Variants in ANKRD11 observed in about 807,000 individuals in gnomAD.
ANKRD11 encodes ankyrin repeat domain-containing protein 11.
ANKRD11 carries 17 observed loss-of-function variants against 195.7 expected under a neutral mutation model. The ratio of observed to expected loss-of-function variants is 0.09; its 90% confidence interval spans 0.06 to 0.13. ANKRD11 has a LOEUF of 0.13. ANKRD11 is among the 10% of genes least tolerant of loss of function. The probability of loss-of-function intolerance (pLI) is 1.00; values close to 1 mark genes in which losing one functional copy is unlikely to be tolerated. For synonymous variants in ANKRD11, 1,953 were observed against 1,528.1 expected (o/e 1.28, Z -6.49); for missense variants, 3,735 against 3,566.1 (o/e 1.05, Z -1.21).
intron 4 of ANKRD11, among the ~76,000 whole-genome samples, chr16:89,304,784 T>C (rs1315959372): frequency 6.6e-6 from 1 of 152,212 alleles, no homozygotes; most frequent in Non-Finnish European, 1.5e-5. Flanking sequence ...AAGACCTCCC[T>C]GCCTCCTGCT....
intron 2 of ANKRD11, among the ~76,000 whole-genome samples, chr16:89,354,138 A>G (rs1313659384): frequency 6.6e-6 from 1 of 152,094 alleles, no homozygotes; most frequent in Non-Finnish European, 1.5e-5. Flanking sequence ...GCTTCTAAAT[A>G]ATGCACTGCA....
intron 1 of ANKRD11, among the ~76,000 whole-genome samples, chr16:89,451,737 G>C (rs1385783904): frequency 3.3e-5 from 5 of 152,108 alleles, no homozygotes; most frequent in East Asian, 1.9e-4. Context: ...ATTACTTTTA[G>C]TAAGCAAACT....
At chr16:89,326,223 T>C (rs758393092) in intron 2 of ANKRD11, among the ~76,000 whole-genome samples, 4 of 152,090 alleles carry the variant, frequency 2.6e-5, no homozygotes. Context: ...ACTCAGCAGA[T>C]TTCCTCCAAG....
chr16:89,486,733 T>C (rs903037373), intron 1 of ANKRD11, among the ~76,000 whole-genome samples: 3 of 152,086 alleles, frequency 2.0e-5, no homozygotes, highest in African/African-American at 7.2e-5. Flanking sequence ...AGGCCAGGCA[T>C]GGTGGCTCAC....
chr16:89,403,007 C>G (rs1194812352), intron 2 of ANKRD11, among the ~76,000 whole-genome samples: 4 of 152,184 alleles, frequency 2.6e-5, no homozygotes. Flanking sequence ...CACCTCAGCC[C>G]CACCATCAAA....
At chr16:89,363,481 T>TA (rs11328033) in intron 2 of ANKRD11, among the ~76,000 whole-genome samples, 73 of 148,108 alleles carry the variant, frequency 4.9e-4, no homozygotes, top group East Asian at 1.2e-3. Flanking sequence ...ATAATAAAAT[T>TA]AAAAAAAAAA....
At chr16:89,335,645 A>G (rs1412055672) in intron 2 of ANKRD11, among the ~76,000 whole-genome samples, 2 of 152,204 alleles carry the variant, frequency 1.3e-5, no homozygotes, top group Non-Finnish European at 2.9e-5. Flanking sequence ...CTGAGGTAAG[A>G]TGACAAGTCT....
chr16:89,276,386 G>A (rs549583651), intron 9 of ANKRD11, among the ~76,000 whole-genome samples: 19 of 152,196 alleles, frequency 1.2e-4, no homozygotes, highest in Middle Eastern at 3.4e-3. Context: ...CAGTCTCCAC[G>A]TCTCTTCCAA....
chr16:89,436,897 A>C (rs1054619195), intron 1 of ANKRD11, among the ~76,000 whole-genome samples: 1 of 152,208 alleles, frequency 6.6e-6, no homozygotes, highest in African/African-American at 2.4e-5. Flanking sequence ...TACTTTCTTA[A>C]GCTAACTGAA....
chr16:89,414,057 C>G (rs1433220605), intron 2 of ANKRD11, among the ~76,000 whole-genome samples: 1 of 151,852 alleles, frequency 6.6e-6, no homozygotes, highest in Non-Finnish European at 1.5e-5. Flanking sequence ...GGCCTGCACA[C>G]CCTCCAGGAT....
intron 2 of ANKRD11, among the ~76,000 whole-genome samples, chr16:89,380,803 G>A (rs1027812823): frequency 1.3e-5 from 2 of 152,260 alleles, no homozygotes; most frequent in African/African-American, 2.4e-5. Context: ...TAACCACCAC[G>A]AGCACTGGGG....
At chr16:89,377,482 G>C (rs1291544897) in intron 2 of ANKRD11, among the ~76,000 whole-genome samples, 1 of 152,030 alleles carries the variant, frequency 6.6e-6, no homozygotes, top group Non-Finnish European at 1.5e-5. Flanking sequence ...GCCGGGGCAG[G>C]AGGGCTGGGG....
At chr16:89,314,906 G>C (rs189522364) in intron 3 of ANKRD11, among the ~76,000 whole-genome samples, 64 of 152,310 alleles carry the variant, frequency 4.2e-4, no homozygotes, top group Non-Finnish European at 7.9e-4. Context: ...TCAGCAGTCT[G>C]TTCACACAGC....
intron 2 of ANKRD11, among the ~76,000 whole-genome samples, chr16:89,319,592 G>A (rs552388713): frequency 9.2e-5 from 14 of 152,306 alleles, no homozygotes; most frequent in East Asian, 3.9e-4. Context: ...CGATGGCAGC[G>A]ATGTGCTCGA....
At chr16:89,308,826 C>A (rs1197684569) in intron 3 of ANKRD11, among the ~76,000 whole-genome samples, 1 of 152,236 alleles carries the variant, frequency 6.6e-6, no homozygotes, top group South Asian at 2.1e-4. Context: ...ACCATGAGAA[C>A]GGGGACGTGC....
rs1419163889 is a variant in ANKRD11 at position 89,432,986 on chromosome 16, CTCTCCT to C, written c.-144-14624_-144-14619del. On this transcript the variant is annotated intron_variant, in intron 1 of 12. Coordinates refer to ENST00000301030, the MANE Select transcript of ANKRD11 (RefSeq NM_013275.6). Reference sequence around the variant, plus strand: ...TCTCTCTCTCTCTCTCTCTCTCTCTCTCTCCTCTCTCTCACACACACACACACACAC... The same window carrying C: ...TCTCTCTCTCTCTCTCTCTCTCTCTCCTCTCTCACACACACACACACACAC... Among the ~76,000 whole-genome samples, 4 of 133,968 alleles carry C rather than the reference CTCTCCT, an allele frequency of 3.0e-5. No individual in the cohort carries two copies. In the East Asian group the frequency reaches 6.2e-4, roughly 21 times the overall value. 87.9% of individuals were successfully genotyped at this position (133,968 alleles called of 152,430 possible). A position where few individuals can be genotyped will look rare whatever the true frequency, so the allele number is the denominator to read the frequency against.
At chr16:89,453,970 G>A (rs1325732701) in intron 1 of ANKRD11, among the ~76,000 whole-genome samples, 2 of 152,152 alleles carry the variant, frequency 1.3e-5, no homozygotes, top group Admixed American at 6.5e-5. Context: ...AGGAGCACCC[G>A]CACCTCGGGA....
intron 2 of ANKRD11, among the ~76,000 whole-genome samples, chr16:89,355,308 G>A (rs771528666): frequency 8.5e-5 from 13 of 152,112 alleles, no homozygotes; most frequent in South Asian, 2.1e-4. Context: ...GCGGGCGGAC[G>A]GCTCACACAG....
chr16:89,468,343 G>C (rs1363424530), intron 1 of ANKRD11, among the ~76,000 whole-genome samples: 4 of 151,990 alleles, frequency 2.6e-5, no homozygotes, highest in Non-Finnish European at 4.4e-5. Flanking sequence ...TCATGAGGTC[G>C]GGGGGAAAGT....
Sources: gnomAD v4.1 joint callset for allele counts (sites outside exome capture counted in the v4.1 genomes callset) on GRCh38, gnomAD v4.1.1 for gene constraint, MANE v1.5 for transcripts, NCBI Gene and HGNC (gene_info 2026-07-23, HGNC 2026-07-21) for gene names.